The following NTM variants were observed in gnomAD, a reference collection of about 807,000 sequenced individuals.
NTM encodes the protein IgLON family member 2.
NTM carries 13 observed loss-of-function variants against 42.1 expected under a neutral mutation model. The ratio of observed to expected loss-of-function variants is 0.31; its 90% CI spans 0.20 to 0.49. The LOEUF is 0.49. Ranked by LOEUF, NTM falls within the 20% of genes least tolerant of loss-of-function variation. NTM has a pLI of 0.99. For missense variants in NTM, 373 were observed against 452.8 expected (o/e 0.82, Z 1.60); for synonymous variants, 187 against 179.2 (o/e 1.04, Z -0.35).
At chr11:131,733,695 CT>C (rs2080032505) in intron 1 of NTM, among the ~76,000 whole-genome samples, 1 of 152,096 alleles carries the variant, frequency 6.6e-6, no homozygotes, top group African/African-American at 2.4e-5. Flanking sequence ...GCCACTATGC[CT>C]GGCTAATTTT....
rs957506807 is a variant in NTM, at chr11:132,003,736, C to A, written c.167+92088C>A. ...ACTCTTTCCCATGGTACAAAACCCT[C>A]CTTAATTGCCTCCTTGGAATCTACA... On this transcript the variant is annotated intron_variant, in intron 2 of 8. Transcript: ENST00000683400. This position sits in a 1 kb window ranked among gnomAD's most constrained non-coding sequence, Gnocchi z 6.0. Among the ~76,000 whole-genome samples, 1 of 150,640 alleles carries A rather than the reference C, an allele frequency of 6.6e-6. No individual in the cohort carries two copies. Among genetic ancestry groups the A allele is most frequent in the African/African-American group, 2.4e-5 (1 of 40,844 alleles).
chr11:131,669,432 T>C (rs2069707163), intron 1 of NTM, among the ~76,000 whole-genome samples: 1 of 152,180 alleles, frequency 6.6e-6, no homozygotes, highest in Non-Finnish European at 1.5e-5. Flanking sequence ...GAGGTGTGCA[T>C]GTGAGATACT....
At chr11:132,231,035 C>T (rs1455054988) in intron 4 of NTM, among the ~76,000 whole-genome samples, 1 of 152,158 alleles carries the variant, frequency 6.6e-6, no homozygotes, top group African/African-American at 2.4e-5. Flanking sequence ...AATAATAATG[C>T]TCAATAAGTG....
chr11:131,655,451 A>G, intron 1 of NTM, among the ~76,000 whole-genome samples: 1 of 152,248 alleles, frequency 6.6e-6, no homozygotes, highest in East Asian at 1.9e-4. Context: ...GAAAAACAGG[A>G]AACCTGAAAA....
intron 1 of NTM, among the ~76,000 whole-genome samples, chr11:131,530,953 T>C (rs749004100): frequency 6.6e-6 from 1 of 152,134 alleles, no homozygotes; most frequent in African/African-American, 2.4e-5. Flanking sequence ...GGATGACCAG[T>C]GAGCACAGAG....
chr11:131,933,107 G>A (rs889198039), intron 2 of NTM, among the ~76,000 whole-genome samples: 5 of 152,152 alleles, frequency 3.3e-5, no homozygotes, highest in African/African-American at 4.8e-5. Context: ...TGTGGCACTC[G>A]GACAGCTGTC....
At chr11:131,800,760 G>A (rs1441658305) in intron 1 of NTM, among the ~76,000 whole-genome samples, 1 of 152,096 alleles carries the variant, frequency 6.6e-6, no homozygotes, top group Non-Finnish European at 1.5e-5. Flanking sequence ...ACATCAAACA[G>A]CAATTTTCCT....
intron 1 of NTM, among the ~76,000 whole-genome samples, chr11:131,856,502 T>C (rs1350330082): frequency 6.6e-6 from 1 of 152,196 alleles, no homozygotes; most frequent in Non-Finnish European, 1.5e-5. Flanking sequence ...TCAAAGCCAC[T>C]GACCAGCATT....
intron 1 of NTM, among the ~76,000 whole-genome samples, chr11:131,772,826 C>T (rs1204708015): frequency 2.0e-5 from 3 of 152,036 alleles, no homozygotes; most frequent in Admixed American, 1.3e-4. Context: ...AAACCAAATG[C>T]AAGAGGATGA....
intron 1 of NTM, among the ~76,000 whole-genome samples, chr11:131,404,546 T>C (rs1945604659): frequency 6.6e-6 from 1 of 152,202 alleles, no homozygotes; most frequent in African/African-American, 2.4e-5. Flanking sequence ...GTGACCTCTA[T>C]ATACTGGTGA....
At chr11:131,812,261 C>T (rs935760442) in intron 1 of NTM, among the ~76,000 whole-genome samples, 2 of 149,884 alleles carry the variant, frequency 1.3e-5, no homozygotes, top group Non-Finnish European at 3.0e-5. Context: ...ATTTTCTCCT[C>T]TAATGAGGCT....
intron 4 of NTM, among the ~76,000 whole-genome samples, chr11:132,241,737 C>T (rs1383014212): frequency 2.0e-5 from 3 of 152,214 alleles, no homozygotes; most frequent in East Asian, 1.9e-4. Context: ...TAAAAGCTAT[C>T]GTGAAAGTGC....
At chr11:132,130,000 GTTC>G (rs1442726990) in intron 2 of NTM, among the ~76,000 whole-genome samples, 5 of 152,196 alleles carry the variant, frequency 3.3e-5, no homozygotes, top group African/African-American at 1.2e-4. Flanking sequence ...CTCTCTGGAT[GTTC>G]TTAACAGGTT....
chr11:132,112,472 G>A (rs1435886894), intron 2 of NTM, among the ~76,000 whole-genome samples: 1 of 152,146 alleles, frequency 6.6e-6, no homozygotes, highest in East Asian at 1.9e-4. Flanking sequence ...TGATTTGATA[G>A]AGAATGATGT....
rs147002869 is a variant in NTM, at chr11:132,280,717, C to A, written c.527-26972C>A. ...GCCAGGCTGGTCTGGAATGGCTGACCTCAGGTGATCTGCCCACCTCGGCCT... is the reference window on the plus strand; with the variant it reads ...GCCAGGCTGGTCTGGAATGGCTGACATCAGGTGATCTGCCCACCTCGGCCT... On this transcript the variant is annotated intron_variant, in intron 4 of 8. Coordinates refer to ENST00000683400, the MANE Select transcript of NTM (RefSeq NM_001352005.2). Among the ~76,000 whole-genome samples, 1,212 of 152,138 alleles carry A rather than the reference C, an allele frequency of 8.0e-3. 21 individuals carry two copies. Among genetic ancestry groups the A allele is most frequent in the African/African-American group, 0.027 (1,114 of 41,498 alleles).
intron 1 of NTM, among the ~76,000 whole-genome samples, chr11:131,704,067 T>C (rs2076336653): frequency 6.9e-6 from 1 of 144,246 alleles, no homozygotes; most frequent in African/African-American, 2.7e-5. Flanking sequence ...GGCCAGCCCT[T>C]ACAACCCCCC....
intron 1 of NTM, among the ~76,000 whole-genome samples, chr11:131,410,066 A>G (rs1946210719): frequency 6.6e-6 from 1 of 152,124 alleles, no homozygotes; most frequent in Non-Finnish European, 1.5e-5. Flanking sequence ...CTTTCCCTGG[A>G]GCAGGGAGCA....
At chr11:131,980,357 G>A (rs1443469988) in intron 2 of NTM, among the ~76,000 whole-genome samples, 1 of 152,158 alleles carries the variant, frequency 6.6e-6, no homozygotes, top group Non-Finnish European at 1.5e-5. Context: ...CAACCTGGTT[G>A]TGATTATCCC....
At chr11:131,833,161 G>T (rs764254666) in intron 1 of NTM, among the ~76,000 whole-genome samples, 2 of 152,140 alleles carry the variant, frequency 1.3e-5, no homozygotes, top group Non-Finnish European at 2.9e-5. Flanking sequence ...ACCTGTTCAC[G>T]TTTTCCTTAG....
Sources: allele counts gnomAD v4.1 joint callset (sites outside exome capture counted in the v4.1 genomes callset), GRCh38; gene constraint gnomAD v4.1.1; non-coding constraint Gnocchi (gnomAD v3.1); transcripts MANE v1.5; gene names NCBI Gene and HGNC (gene_info 2026-07-23, HGNC 2026-07-21).